The following EEIG2 variants were observed in gnomAD, a reference collection of about 807,000 sequenced individuals.
EEIG2 encodes the protein EEIG family member 2.
chr1:108,592,983 C>A, the EEIG2 span, among the ~76,000 whole-genome samples: 147 of 151,932 alleles, frequency 9.7e-4, no homozygotes, highest in African/African-American at 3.4e-3. Flanking sequence ...CTTGGTGAAA[C>A]CCCATCTCTA....
the EEIG2 span, among the ~76,000 whole-genome samples, chr1:108,624,000 T>G: frequency 6.6e-6 from 1 of 151,938 alleles, no homozygotes; most frequent in South Asian, 2.1e-4. Flanking sequence ...AAAAAACTGT[T>G]AGAAATTAAA....
chr1:108,560,889 G>A, the EEIG2 span, among the ~76,000 whole-genome samples: 3 of 152,110 alleles, frequency 2.0e-5, no homozygotes, highest in Non-Finnish European at 4.4e-5. Flanking sequence ...AACTTGAGCT[G>A]TTAAAAACTA....
At chr1:108,562,373 T>C in the EEIG2 span, among the ~76,000 whole-genome samples, 1 of 152,178 alleles carries the variant, frequency 6.6e-6, no homozygotes, top group Non-Finnish European at 1.5e-5. Flanking sequence ...AACTCACCCC[T>C]TTTTCTTCCA....
At chr1:108,627,399 A>C in the EEIG2 span, 2 of 152,248 alleles carry the variant, frequency 1.3e-5, no homozygotes, top group African/African-American at 4.8e-5. Flanking sequence ...TTCTGCTTCT[A>C]AGTTAAAAAC....
the EEIG2 span, among the ~76,000 whole-genome samples, chr1:108,561,791 A>G: frequency 1.3e-5 from 2 of 152,248 alleles, no homozygotes; most frequent in African/African-American, 4.8e-5. Context: ...ACCATCTCTT[A>G]CTTGTTGAAA....
the EEIG2 span, among the ~76,000 whole-genome samples, chr1:108,597,801 A>T: frequency 0.81 from 123,422 of 152,180 alleles, 52,213 homozygotes; most frequent in Non-Finnish European, 0.94. Context: ...TTTAACTATA[A>T]ATTTGTATAT....
chr1:108,599,662 T>G, the EEIG2 span, among the ~76,000 whole-genome samples: 1 of 152,214 alleles, frequency 6.6e-6, no homozygotes, highest in Non-Finnish European at 1.5e-5. Context: ...ACCTCCTACT[T>G]AAATGACCTT....
the EEIG2 span, among the ~76,000 whole-genome samples, chr1:108,604,106 C>A: frequency 6.6e-6 from 1 of 151,930 alleles, no homozygotes. Flanking sequence ...TACTGTGAAC[C>A]CTATGCAGTG....
At chr1:108,590,566 T>G in the EEIG2 span, among the ~76,000 whole-genome samples, 1 of 152,202 alleles carries the variant, frequency 6.6e-6, no homozygotes, top group Non-Finnish European at 1.5e-5. Flanking sequence ...TATTGTTACA[T>G]CCTGTTTCAC....
At chr1:108,600,789 T>C in the EEIG2 span, 1 of 1,232,448 alleles carries the variant, frequency 8.1e-7, no homozygotes, top group Non-Finnish European at 1.1e-6. Flanking sequence ...TCATTAGAAC[T>C]GTATATGCAG....
the EEIG2 span, among the ~76,000 whole-genome samples, chr1:108,596,235 AT>A: frequency 6.6e-6 from 1 of 151,636 alleles, no homozygotes; most frequent in Non-Finnish European, 1.5e-5. Flanking sequence ...TTCTGTTCCC[AT>A]TTTTAGATTA....
chr1:108,562,394 G>C, the EEIG2 span, among the ~76,000 whole-genome samples: 3 of 152,140 alleles, frequency 2.0e-5, no homozygotes. Flanking sequence ...ATTAAAATTT[G>C]ACTTTGATCA....
At chr1:108,564,852 T>C in the EEIG2 span, among the ~76,000 whole-genome samples, 10 of 151,692 alleles carry the variant, frequency 6.6e-5, no homozygotes, top group African/African-American at 2.4e-4. Flanking sequence ...GAGGCTGAGG[T>C]AGGAGGATCG....
At chr1:108,596,755 T>C in the EEIG2 span, among the ~76,000 whole-genome samples, 20 of 152,220 alleles carry the variant, frequency 1.3e-4, no homozygotes, top group Middle Eastern at 6.8e-3. Context: ...GTTTTTTTTT[T>C]TAAGACTGTA....
chr1:108,567,861 C>T, the EEIG2 span, among the ~76,000 whole-genome samples: 2 of 151,920 alleles, frequency 1.3e-5, no homozygotes, highest in Non-Finnish European at 2.9e-5. Context: ...AGCTGGGTTT[C>T]GTGGCATGCA....
chr1:108,624,735 T>G, the EEIG2 span: 1 of 1,613,886 alleles, frequency 6.2e-7, no homozygotes, highest in Non-Finnish European at 8.5e-7. Context: ...TCAAAGTGCA[T>G]CTTGGAATAG....
chr1:108,635,377 C>G, the EEIG2 span: 1 of 511,262 alleles, frequency 2.0e-6, no homozygotes, highest in Non-Finnish European at 3.5e-6. Context: ...CTTGGAAGCA[C>G]CTGGCTTCTG....
the EEIG2 span, chr1:108,606,290 A>G: frequency 7.0e-7 from 1 of 1,422,954 alleles, no homozygotes; most frequent in Admixed American, 2.0e-5. Context: ...GGAACATGTA[A>G]TGTTGCTTAT....
At chr1:108,628,864 T>A in the EEIG2 span, 1 of 1,522,486 alleles carries the variant, frequency 6.6e-7, no homozygotes, top group Non-Finnish European at 8.9e-7. Flanking sequence ...ATCTGTGTAG[T>A]CAGCAGTAAA....
Sources: gnomAD v4.1 joint callset for allele counts (sites outside exome capture counted in the v4.1 genomes callset) on GRCh38, gnomAD v4.1.1 for gene constraint, MANE v1.5 for transcripts, NCBI Gene and HGNC (gene_info 2026-07-23, HGNC 2026-07-21) for gene names.